The following TACC2 variants were observed in gnomAD, a reference collection of about 807,000 sequenced individuals.
TACC2 encodes the protein transforming acidic coiled-coil-containing protein 2.
In TACC2, 137 loss-of-function variants were observed where a neutral mutation model predicts 227.3. That is an observed-to-expected ratio of 0.60 (90% confidence interval 0.52 to 0.69). The LOEUF is 0.69. TACC2 is among the 30% of genes least tolerant of loss of function. TACC2 has a pLI of 0.00. For synonymous variants in TACC2, 1,523 were observed against 1,487.5 expected (o/e 1.02, Z -0.55); for missense variants, 3,470 against 3,694.4 (o/e 0.94, Z 1.57).
At chr10:122,043,178 T>C (rs952210258) in intron 2 of TACC2, among the ~76,000 whole-genome samples, 1 of 152,220 alleles carries the variant, frequency 6.6e-6, no homozygotes, top group African/African-American at 2.4e-5. Flanking sequence ...GTTTCTAAAA[T>C]ATTAAATACA....
In TACC2 at chr10:122,200,908, C is replaced by T. The variant is rs548331858; in HGVS notation, c.5971+5732C>T. 2.0e-4 allele frequency among the ~76,000 whole-genome samples: 30 copies of T among 149,542 alleles called. 3 individuals carry two copies. Among genetic ancestry groups the T allele is most frequent in the South Asian group, 6.3e-4 (3 of 4,772 alleles). ...ACTGAGAGGACGACCACCTCACCTG[C>T]GCACAGTGGCTGTGTTCACACGGGG... On this transcript the variant is annotated intron_variant, in intron 8 of 22. Coordinates refer to ENST00000369005, the MANE Select transcript of TACC2 (RefSeq NM_206862.4).
Position 122,224,752 on chromosome 10 carries a change from A to G in TACC2, c.7573A>G (p.Ile2525Val). 6.2e-7 allele frequency: 1 copy of G among 1,613,988 alleles called. No homozygotes were observed. Among genetic ancestry groups the G allele is most frequent in the Non-Finnish European group, 8.5e-7 (1 of 1,180,010 alleles). The part of the protein sequence containing the change: ...EELDYRNSYE[I>V]EYMEKIGSSL... ...GTTGGATTACAGAAACTCCTATGAA[A>G]TTGAATATATGGAGAAAATTGGCTC... is the stretch of plus-strand genomic sequence containing the variant. Residue 2525 changes from isoleucine to valine, a missense_variant, in exon 12 of 23, where the codon ATT becomes GTT. Physicochemically the swap from Ile to Val is conservative, Grantham distance 29. Coordinates refer to ENST00000369005, the MANE Select transcript of TACC2 (RefSeq NM_206862.4).
At chr10:122,237,272 T>G (rs1208586729) in intron 16 of TACC2, 123 bp from the exon 17 acceptor site, 5 of 964,728 alleles carry the variant, frequency 5.2e-6, no homozygotes, top group African/African-American at 1.6e-5. Flanking sequence ...CACTTTCTCA[T>G]ACTTTTGATG....
intron 9 of TACC2, among the ~76,000 whole-genome samples, chr10:122,215,050 T>C (rs942227900): frequency 7.9e-5 from 12 of 152,020 alleles, no homozygotes; most frequent in African/African-American, 2.7e-4. Context: ...CAGATACCCC[T>C]GGAAGAATCC....
intron 8 of TACC2, among the ~76,000 whole-genome samples, chr10:122,202,854 G>A (rs1229757928): frequency 3.3e-5 from 5 of 150,764 alleles, no homozygotes; most frequent in African/African-American, 1.2e-4. Flanking sequence ...AGGGAGTGGT[G>A]ATGACTCTTA....
At chr10:122,169,271 A>G (rs908599000) in intron 7 of TACC2, among the ~76,000 whole-genome samples, 6 of 152,238 alleles carry the variant, frequency 3.9e-5, no homozygotes, top group East Asian at 1.9e-4. Context: ...GCTCAGATTC[A>G]GCAGAAACTC....
intron 1 of TACC2, among the ~76,000 whole-genome samples, chr10:121,997,726 A>G (rs997658171): frequency 3.9e-5 from 6 of 152,206 alleles, no homozygotes; most frequent in Non-Finnish European, 7.4e-5. Flanking sequence ...GCACATGCTT[A>G]ACGGCCAGGG....
chr10:122,010,158 C>T (rs944985889), intron 1 of TACC2, among the ~76,000 whole-genome samples: 1 of 152,174 alleles, frequency 6.6e-6, no homozygotes, highest in Non-Finnish European at 1.5e-5. Context: ...ATCCCTTTCT[C>T]AAAATCTCTC....
At chr10:122,013,186 C>A (rs1393528505) in intron 1 of TACC2, among the ~76,000 whole-genome samples, 2 of 152,074 alleles carry the variant, frequency 1.3e-5, no homozygotes, top group South Asian at 2.1e-4. Flanking sequence ...TGATATTCTA[C>A]AAGATTGGAA....
intron 7 of TACC2, among the ~76,000 whole-genome samples, chr10:122,191,374 A>G (rs1466391064): frequency 6.6e-6 from 1 of 152,198 alleles, no homozygotes; most frequent in Non-Finnish European, 1.5e-5. Context: ...GCTGGTAATT[A>G]TCATGCTTTT....
intron 6 of TACC2, among the ~76,000 whole-genome samples, chr10:122,133,760 A>G (rs80195215): frequency 0.057 from 8,640 of 152,116 alleles, 252 homozygotes; most frequent in Middle Eastern, 0.11. Context: ...TTGTGCCCCT[A>G]TGTCACTGCC....
In TACC2 at chr10:122,190,521, C is replaced by T. The variant is rs190611301; in HGVS notation, c.5835-4519C>T. On this transcript the variant is annotated intron_variant, in intron 7 of 22. Coordinates refer to ENST00000369005, the MANE Select transcript of TACC2 (RefSeq NM_206862.4). Reference sequence around the variant, plus strand: ...CACAGTCTGTCCCCACCTGGGGTTACGTTGTTCCCTCTTTCCTGCTTGGTT... The same window carrying T: ...CACAGTCTGTCCCCACCTGGGGTTATGTTGTTCCCTCTTTCCTGCTTGGTT... 4.4e-4 allele frequency among the ~76,000 whole-genome samples: 67 copies of T among 152,274 alleles called. No homozygotes were observed. In the South Asian group the frequency reaches 5.8e-3, roughly 13 times the overall value.
chr10:122,156,575 ATCT>A (rs2092495281), intron 7 of TACC2, among the ~76,000 whole-genome samples: 1 of 152,164 alleles, frequency 6.6e-6, no homozygotes, highest in Non-Finnish European at 1.5e-5. Context: ...CAGTTCTTTC[ATCT>A]TCACGTTCTC....
chr10:122,097,415 G>C (rs1459095135), intron 5 of TACC2, among the ~76,000 whole-genome samples: 1 of 152,100 alleles, frequency 6.6e-6, no homozygotes, highest in Non-Finnish European at 1.5e-5. Context: ...AAGAAACTCA[G>C]GGGAAGGGAG....
chr10:122,157,782 C>T (rs922834649), intron 7 of TACC2, among the ~76,000 whole-genome samples: 5 of 151,822 alleles, frequency 3.3e-5, no homozygotes, highest in African/African-American at 1.2e-4. Context: ...ACCTCATGAG[C>T]GTCTCCTACC....
chr10:122,205,808 A>G lies in TACC2; in HGVS notation c.5972-4589A>G, dbSNP rs574317390. ...TTGGGAAATGTTGAATTCATCACGG[A>G]CTTGCTCTGAGCTACCCACAGCAAC... On this transcript the variant is annotated intron_variant, in intron 8 of 22. Transcript: ENST00000369005. This position sits in a 1 kb window ranked among gnomAD's most constrained non-coding sequence, Gnocchi z 4.5. Among the ~76,000 whole-genome samples the G allele has an allele frequency of 2.0e-5, 3 of 152,234 alleles. No homozygotes were observed. Among genetic ancestry groups the G allele is most frequent in the Non-Finnish European group, 2.9e-5 (2 of 68,008 alleles).
chr10:122,071,577 T>C (rs1390718548), intron 3 of TACC2, among the ~76,000 whole-genome samples: 2 of 151,970 alleles, frequency 1.3e-5, no homozygotes, highest in African/African-American at 2.4e-5. Context: ...TGAAGTCATA[T>C]AGAAGCTCGT....
At chr10:122,237,569 T>A in intron 17 of TACC2, 31 bp downstream of exon 17, 1 of 1,592,152 alleles carries the variant, frequency 6.3e-7, no homozygotes, top group Non-Finnish European at 8.6e-7. Context: ...ATTACCCTCT[T>A]CCTGCCACTT....
chr10:122,026,219 T>A (rs1957990628), intron 2 of TACC2, among the ~76,000 whole-genome samples: 1 of 143,736 alleles, frequency 7.0e-6, no homozygotes, highest in Non-Finnish European at 1.5e-5. Flanking sequence ...TCCCAGCTAC[T>A]CGGGAGGCTG....
Sources: gnomAD v4.1 joint callset for allele counts (sites outside exome capture counted in the v4.1 genomes callset) on GRCh38, gnomAD v4.1.1 for gene constraint, Gnocchi (gnomAD v3.1) non-coding constraint, MANE v1.5 for transcripts, NCBI Gene and HGNC (gene_info 2026-07-23, HGNC 2026-07-21) for gene names.